The following STK3 variants were observed in gnomAD, a reference collection of about 807,000 sequenced individuals.
The protein encoded by STK3 is serine/threonine-protein kinase 3.
A neutral mutation model predicts 58.0 loss-of-function variants in STK3; 41 were observed. The ratio of observed to expected loss-of-function variants is 0.71; its 90% CI spans 0.55 to 0.92. The LOEUF is 0.92. Among genes scored for constraint, STK3 ranks in the 40% least tolerant of loss-of-function variants. STK3 has a pLI of 0.00. For synonymous variants in STK3, 170 were observed against 191.0 expected (o/e 0.89, Z 0.91); for missense variants, 479 against 602.7 (o/e 0.79, Z 2.15).
At chr8:98,355,528 G>C in the STK3 span, among the ~76,000 whole-genome samples, 1 of 152,342 alleles carries the variant, frequency 6.6e-6, no homozygotes, top group Non-Finnish European at 1.5e-5. Flanking sequence ...CAACTGCTGG[G>C]GGCATCTCTA....
Position 98,877,211 on chromosome 8 carries a change from C to T in STK3, c.110+6436G>A, listed in dbSNP as rs187737538. Among the ~76,000 whole-genome samples the T allele has an allele frequency of 6.7e-4, 102 of 152,206 alleles. No individual in the cohort carries two copies. The South Asian group carries it at 0.013, about 20-fold the overall frequency. On this transcript the variant is annotated intron_variant, in intron 3 of 12. Transcript: ENST00000523601. Reference sequence around the variant, plus strand: ...CTAGGCTATGTAATGACAATACAAACGGGCATTTTGATAACAAAGCAGTAT... The same window carrying T: ...CTAGGCTATGTAATGACAATACAAATGGGCATTTTGATAACAAAGCAGTAT...
intron 3 of STK3, among the ~76,000 whole-genome samples, chr8:98,858,897 T>TAAAAAAAAA (rs762055696): frequency 1.2e-5 from 1 of 80,534 alleles, no homozygotes; most frequent in Non-Finnish European, 2.5e-5. Context: ...AGACTCCATC[T>TAAAAAAAAA]AAAAAAAAAA....
chr8:98,696,177 G>A (rs1824902126), intron 6 of STK3, among the ~76,000 whole-genome samples: 1 of 152,160 alleles, frequency 6.6e-6, no homozygotes, highest in Admixed American at 6.5e-5. Context: ...TGGTGTATAA[G>A]AATGCTTGTG....
At chr8:98,510,119 G>C (rs1035887757) in intron 10 of STK3, among the ~76,000 whole-genome samples, 1 of 152,034 alleles carries the variant, frequency 6.6e-6, no homozygotes, top group Non-Finnish European at 1.5e-5. Context: ...GCAGAAACTG[G>C]CAAAATAAAA....
intron 9 of STK3, among the ~76,000 whole-genome samples, chr8:98,542,293 T>G (rs1810347397): frequency 6.6e-6 from 1 of 152,170 alleles, no homozygotes; most frequent in Admixed American, 6.5e-5. Flanking sequence ...ATGTCAAATT[T>G]CACAAACAGT....
At chr8:98,751,808 C>T (rs374076460) in intron 3 of STK3, among the ~76,000 whole-genome samples, 13 of 152,124 alleles carry the variant, frequency 8.5e-5, no homozygotes, top group Middle Eastern at 3.4e-3. Context: ...GGCATGGTGG[C>T]GCATGCCTGT....
intron 4 of STK3, among the ~76,000 whole-genome samples, chr8:98,736,243 A>C (rs1828586135): frequency 6.6e-6 from 1 of 152,202 alleles, no homozygotes; most frequent in South Asian, 2.1e-4. Context: ...GCAAATTTTC[A>C]AATAAGAGGT....
chr8:98,792,896 A>ATGTGTGTGTGTG (rs34465301), intron 1 of STK3, among the ~76,000 whole-genome samples: 3 of 145,666 alleles, frequency 2.1e-5, no homozygotes, highest in African/African-American at 7.6e-5. Context: ...AAGAGACTGT[A>ATGTGTGTGTGTG]TGTGTGTGTG....
At chr8:98,757,412 G>A (rs1830356145) in intron 3 of STK3, among the ~76,000 whole-genome samples, 1 of 150,580 alleles carries the variant, frequency 6.6e-6, no homozygotes, top group African/African-American at 2.4e-5. Context: ...TGACCAACAT[G>A]GTGAAACCCT....
intron 10 of STK3, chr8:98,462,915 G>A (rs1342590262): frequency 1.3e-5 from 2 of 151,582 alleles, no homozygotes; most frequent in South Asian, 2.1e-4. Context: ...TGCCAGAATT[G>A]TTTTTCTGGT....
chr8:98,415,363 T>C (rs1261509954), intron 3 of STK3, among the ~76,000 whole-genome samples: 1 of 152,242 alleles, frequency 6.6e-6, no homozygotes, highest in Non-Finnish European at 1.5e-5. Flanking sequence ...AATTCTATCA[T>C]GACTGAGCCA....
intron 6 of STK3, chr8:98,598,254 A>C: frequency 2.0e-6 from 2 of 985,370 alleles, no homozygotes; most frequent in South Asian, 9.4e-5. Context: ...ATCTTGAGAT[A>C]ATCTTAACAT....
Position 98,455,565 on chromosome 8 carries a change from C to T in STK3, c.*277G>A, listed in dbSNP as rs1444934690. On this transcript the variant is annotated 3_prime_UTR_variant, in exon 11 of 11. Coordinates refer to ENST00000419617, the MANE Select transcript of STK3 (RefSeq NM_006281.4). ...CTTTGGATTTTCAAGGTTTAGAGAC[C>T]TTGAAAATCCATTTCATAACAGTTT... The T allele has an allele frequency of 2.1e-5, 9 of 420,978 alleles. No homozygotes were observed. Among genetic ancestry groups the T allele is most frequent in the Non-Finnish European group, 3.4e-5 (8 of 233,512 alleles). 26.1% of individuals were successfully genotyped at this position (420,978 alleles called of 1,614,324 possible).
chr8:98,744,778 A>G (rs1212769173), intron 4 of STK3, among the ~76,000 whole-genome samples: 1 of 152,156 alleles, frequency 6.6e-6, no homozygotes, highest in African/African-American at 2.4e-5. Context: ...AGGCAAATAA[A>G]TCTCTGCTAG....
intron 3 of STK3, among the ~76,000 whole-genome samples, chr8:98,751,483 C>A (rs1829979521): frequency 6.6e-6 from 1 of 152,100 alleles, no homozygotes; most frequent in Non-Finnish European, 1.5e-5. Flanking sequence ...AGAGCCAAAT[C>A]GGGAACTAAC....
At chr8:98,523,006 G>C (rs1368784469) in intron 10 of STK3, among the ~76,000 whole-genome samples, 4 of 152,064 alleles carry the variant, frequency 2.6e-5, no homozygotes, top group African/African-American at 4.8e-5. Flanking sequence ...CATGAAAAAG[G>C]GTGTACAACT....
chr8:98,865,695 C>T (rs1212316487), intron 3 of STK3, among the ~76,000 whole-genome samples: 1 of 152,202 alleles, frequency 6.6e-6, no homozygotes, highest in Non-Finnish European at 1.5e-5. Context: ...GGGGTACTCT[C>T]TAATAAAGTT....
chr8:98,590,203 G>A (rs1815165865), intron 7 of STK3, among the ~76,000 whole-genome samples: 1 of 151,466 alleles, frequency 6.6e-6, no homozygotes, highest in Non-Finnish European at 1.5e-5. Context: ...GCATTGATTT[G>A]CTATTTCTGT....
intron 1 of STK3, among the ~76,000 whole-genome samples, chr8:98,930,581 G>A (rs1839970671): frequency 6.6e-6 from 1 of 152,146 alleles, no homozygotes; most frequent in Non-Finnish European, 1.5e-5. Flanking sequence ...TCTCAGAAAT[G>A]CAAGCAAAAT....
Sources: gnomAD v4.1 joint callset for allele counts (sites outside exome capture counted in the v4.1 genomes callset) on GRCh38, gnomAD v4.1.1 for gene constraint, MANE v1.5 for transcripts, NCBI Gene and HGNC (gene_info 2026-07-23, HGNC 2026-07-21) for gene names.